RTL4: variants seen among roughly 807,000 people sequenced by gnomAD.
RTL4 encodes retrotransposon Gag like 4, also known as retrotransposon Gag-like protein 4.
A neutral mutation model predicts 5.3 loss-of-function variants in RTL4; 4 were observed. That is an observed-to-expected ratio of 0.75 (90% CI 0.37 to 1.72). The LOEUF (loss-of-function observed/expected upper bound fraction) is 1.72. Ranked by LOEUF, RTL4 falls within the 40% of genes most tolerant of loss-of-function variation. RTL4 has a pLI of 0.04. For synonymous variants in RTL4, 98 were observed against 87.3 expected, an observed-to-expected ratio of 1.12 and a Z score of -0.68; for missense variants, 260 against 227.1, an observed-to-expected ratio of 1.14 and a Z score of -0.93.
chrX:112,223,901 C>T, the RTL4 span, among the ~76,000 whole-genome samples: 3 of 112,227 alleles, frequency 2.7e-5, no homozygotes, highest in Non-Finnish European at 5.6e-5. Flanking sequence ...ATACTATCTT[C>T]CTTTTCATGT....
At chrX:112,270,466 T>G in the RTL4 span, among the ~76,000 whole-genome samples, 2 of 111,956 alleles carry the variant, frequency 1.8e-5, no homozygotes, top group Admixed American at 9.5e-5. Context: ...CAGGTTTGTT[T>G]CTATATCAGC....
At chrX:112,318,556 T>G in the RTL4 span, among the ~76,000 whole-genome samples, 32 of 112,119 alleles carry the variant, frequency 2.9e-4, no homozygotes, top group Non-Finnish European at 2.8e-4. Flanking sequence ...ACATGTATGA[T>G]TAGGTTATTG....
the RTL4 span, among the ~76,000 whole-genome samples, chrX:112,246,542 C>T: frequency 8.9e-6 from 1 of 112,230 alleles, no homozygotes; most frequent in Non-Finnish European, 1.9e-5. Flanking sequence ...GGGATATAAT[C>T]TCCTGGTGTG....
chrX:112,181,378 T>G, the RTL4 span, among the ~76,000 whole-genome samples: 5,628 of 111,319 alleles, frequency 0.051, 370 homozygotes, highest in African/African-American at 0.17. Flanking sequence ...AGCCAAGTGG[T>G]CTAGCTCAGC....
At chrX:112,399,199 C>A in the RTL4 span, among the ~76,000 whole-genome samples, 5 of 111,775 alleles carry the variant, frequency 4.5e-5, no homozygotes, top group Admixed American at 9.5e-5. Context: ...TCTCTTTCTG[C>A]CTTCAACCCT....
At chrX:112,266,667 T>G in the RTL4 span, among the ~76,000 whole-genome samples, 3 of 111,469 alleles carry the variant, frequency 2.7e-5, no homozygotes, top group African/African-American at 9.8e-5. Flanking sequence ...CCATTTGACA[T>G]GGTCTTTTGC....
the RTL4 span, among the ~76,000 whole-genome samples, chrX:112,137,590 CTCTT>C: frequency 9.0e-6 from 1 of 111,684 alleles, no homozygotes; most frequent in Non-Finnish European, 1.9e-5. Flanking sequence ...CCAATTGCCT[CTCTT>C]TCTCCACACA....
At chrX:112,282,424 A>G in the RTL4 span, among the ~76,000 whole-genome samples, 16 of 111,953 alleles carry the variant, frequency 1.4e-4, no homozygotes, top group Admixed American at 2.8e-4. Context: ...GTCAAGTAGT[A>G]TAATACTTAC....
the RTL4 span, among the ~76,000 whole-genome samples, chrX:112,380,268 T>C: frequency 9.1e-6 from 1 of 109,611 alleles, no homozygotes; most frequent in Non-Finnish European, 1.9e-5. Flanking sequence ...CGCCTCAGCC[T>C]CCCTAGTAGC....
At chrX:112,328,271 G>T in the RTL4 span, among the ~76,000 whole-genome samples, 1 of 110,779 alleles carries the variant, frequency 9.0e-6, no homozygotes, top group Non-Finnish European at 1.9e-5. Flanking sequence ...CATCTCATGT[G>T]CAGAGACACA....
the RTL4 span, among the ~76,000 whole-genome samples, chrX:112,365,812 T>C: frequency 9.0e-6 from 1 of 111,156 alleles, no homozygotes; most frequent in African/African-American, 3.3e-5. Flanking sequence ...TCCATTCTCT[T>C]AATCATTGCT....
the RTL4 span, among the ~76,000 whole-genome samples, chrX:112,166,997 A>G: frequency 9.0e-6 from 1 of 111,609 alleles, no homozygotes; most frequent in East Asian, 2.8e-4. Context: ...CTGCTCCCTT[A>G]AGTGACTTCT....
chrX:112,406,279 G>A, the RTL4 span, among the ~76,000 whole-genome samples: 1 of 111,902 alleles, frequency 8.9e-6, no homozygotes, highest in African/African-American at 3.3e-5. Context: ...TGGTTTAATT[G>A]ATTCATGGTT....
chrX:112,220,083 T>G, the RTL4 span, among the ~76,000 whole-genome samples: 2 of 111,756 alleles, frequency 1.8e-5, no homozygotes, highest in Non-Finnish European at 3.8e-5. Context: ...TCATAGAAGT[T>G]TTAAAGCCTG....
chrX:112,424,398 G>T, the RTL4 span, among the ~76,000 whole-genome samples: 1 of 111,377 alleles, frequency 9.0e-6, no homozygotes, highest in African/African-American at 3.3e-5. Context: ...CACAGGCATT[G>T]CAAACCACTC....
chrX:112,400,510 T>A, the RTL4 span, among the ~76,000 whole-genome samples: 2 of 111,979 alleles, frequency 1.8e-5, no homozygotes, highest in Non-Finnish European at 3.8e-5. Context: ...GCCATCTGTG[T>A]CATTTCTGTG....
the RTL4 span, among the ~76,000 whole-genome samples, chrX:112,101,431 G>A: frequency 9.0e-6 from 1 of 110,954 alleles, no homozygotes; most frequent in Non-Finnish European, 1.9e-5. Flanking sequence ...CAAAAAAGGA[G>A]AAAAATAAAT....
chrX:112,454,576 G>A (rs1926798086), exon 1 of RTL4: 2 of 492,515 alleles, frequency 4.1e-6, no homozygotes, highest in Admixed American at 7.8e-5. Flanking sequence ...CAATTCAGCT[G>A]TTAGCATCTC....
chrX:112,087,781 T>C, the RTL4 span, among the ~76,000 whole-genome samples: 1 of 111,137 alleles, frequency 9.0e-6, no homozygotes, highest in Non-Finnish European at 1.9e-5. Context: ...CACAGTGTCG[T>C]TTAGTGGATT....
Sources: gnomAD v4.1 joint callset for allele counts (sites outside exome capture counted in the v4.1 genomes callset) on GRCh38, gnomAD v4.1.1 for gene constraint, MANE v1.5 for transcripts, NCBI Gene and HGNC (gene_info 2026-07-23, HGNC 2026-07-21) for gene names.